The following RARB variants were observed in gnomAD, a reference collection of about 807,000 sequenced individuals.
RARB encodes retinoic acid receptor beta.
In RARB, 17 loss-of-function variants were observed where a neutral mutation model predicts 51.9. That is an observed-to-expected ratio of 0.33 (90% CI 0.22 to 0.49). The LOEUF is 0.49. Ranked by LOEUF, RARB falls within the 20% of genes least tolerant of loss-of-function variation. RARB has a pLI of 0.99. For missense variants in RARB, 369 were observed against 550.8 expected (o/e 0.67, Z 3.30); for synonymous variants, 215 against 195.4 (o/e 1.10, Z -0.84).
intron 3 of RARB, among the ~76,000 whole-genome samples, chr3:25,523,900 T>C (rs768370015): frequency 4.6e-5 from 7 of 152,284 alleles, no homozygotes; most frequent in Non-Finnish European, 1.0e-4. Flanking sequence ...TTTTTAGCGA[T>C]AGTAGAAGGG....
At chr3:25,007,021 A>C (rs1407690750) in intron 2 of RARB, among the ~76,000 whole-genome samples, 1 of 152,172 alleles carries the variant, frequency 6.6e-6, no homozygotes, top group African/African-American at 2.4e-5. Context: ...CTTTTGAATA[A>C]GAATGAGTTG....
At chr3:25,271,187 T>C (rs1703249482) in intron 5 of RARB, among the ~76,000 whole-genome samples, 1 of 152,190 alleles carries the variant, frequency 6.6e-6, no homozygotes, top group Admixed American at 6.5e-5. Context: ...TTTTCTCCCC[T>C]CAATTTTTAT....
intron 1 of RARB, 77 bp downstream of exon 1, chr3:25,428,965 T>C: frequency 6.9e-7 from 1 of 1,452,372 alleles, no homozygotes; most frequent in South Asian, 1.4e-5. Context: ...ACGTTGGAAA[T>C]AAACTGCATT....
chr3:25,274,911 G>T (rs370179194), intron 5 of RARB, among the ~76,000 whole-genome samples: 48 of 152,142 alleles, frequency 3.2e-4, no homozygotes, highest in African/African-American at 1.1e-3. Context: ...ACAGCAATGG[G>T]GTAGGGAAAT....
chr3:25,573,537 C>T (rs969278354), intron 4 of RARB, among the ~76,000 whole-genome samples: 2 of 152,220 alleles, frequency 1.3e-5, no homozygotes, highest in East Asian at 1.9e-4. Context: ...CGCAGCTGAC[C>T]GTGCTCTTCA....
intron 3 of RARB, among the ~76,000 whole-genome samples, chr3:25,542,381 A>C (rs149814200): frequency 1.3e-3 from 192 of 152,342 alleles, no homozygotes; most frequent in African/African-American, 4.4e-3. Context: ...TGGATTTTTC[A>C]TCCTATCACA....
At chr3:25,201,463 C>G (rs970144837) in intron 5 of RARB, among the ~76,000 whole-genome samples, 5 of 152,160 alleles carry the variant, frequency 3.3e-5, no homozygotes, top group Non-Finnish European at 5.9e-5. Flanking sequence ...ACTTCCAACA[C>G]TGTGTTGCAT....
At chr3:25,108,679 A>G (rs1026254435) in intron 3 of RARB, among the ~76,000 whole-genome samples, 5 of 152,194 alleles carry the variant, frequency 3.3e-5, no homozygotes, top group African/African-American at 1.2e-4. Flanking sequence ...GTGTTTTTGT[A>G]TAGAGAGTTT....
At chr3:25,284,944 A>G (rs1703613339) in intron 5 of RARB, among the ~76,000 whole-genome samples, 1 of 152,230 alleles carries the variant, frequency 6.6e-6, no homozygotes, top group Non-Finnish European at 1.5e-5. Context: ...ATGACTCTGC[A>G]GTTACCAAAT....
chr3:25,002,240 C>T (rs1485934270), intron 2 of RARB, among the ~76,000 whole-genome samples: 2 of 152,192 alleles, frequency 1.3e-5, no homozygotes, highest in Non-Finnish European at 2.9e-5. Flanking sequence ...CAGGGCAGAG[C>T]ACACTTCCCA....
intron 3 of RARB, among the ~76,000 whole-genome samples, chr3:25,070,050 T>G (rs945882108): frequency 1.3e-5 from 2 of 152,196 alleles, no homozygotes; most frequent in African/African-American, 4.8e-5. Context: ...CTGAAACCAG[T>G]GGTGGAGAAT....
chr3:25,155,531 A>G (rs947487841), intron 4 of RARB, among the ~76,000 whole-genome samples: 2 of 152,242 alleles, frequency 1.3e-5, no homozygotes, highest in East Asian at 1.9e-4. Flanking sequence ...TGACTGCTCC[A>G]GTGGCAATAT....
At chr3:24,987,919 A>G (rs1696829457) in intron 2 of RARB, among the ~76,000 whole-genome samples, 1 of 152,024 alleles carries the variant, frequency 6.6e-6, no homozygotes, top group African/African-American at 2.4e-5. Context: ...GAAAACATAA[A>G]TCTTGGCTTC....
intron 3 of RARB, among the ~76,000 whole-genome samples, chr3:25,090,130 C>A (rs898295939): frequency 6.6e-6 from 1 of 152,130 alleles, no homozygotes; most frequent in Non-Finnish European, 1.5e-5. Flanking sequence ...AATTAAAAAT[C>A]CATTTCCTTG....
chr3:25,551,636 G>A (rs1626875), intron 3 of RARB, among the ~76,000 whole-genome samples: 36,695 of 152,104 alleles, frequency 0.24, 4,919 homozygotes, highest in African/African-American at 0.35. Context: ...TAGGAGAAAG[G>A]TCTGGGCTAG....
At chr3:25,586,118 A>C (rs1701375615) in intron 5 of RARB, among the ~76,000 whole-genome samples, 1 of 152,012 alleles carries the variant, frequency 6.6e-6, no homozygotes, top group African/African-American at 2.4e-5. Flanking sequence ...CTCGAGCCTC[A>C]GTCAAGCTCT....
rs1559337116 is a variant in RARB, at chr3:25,264,122, T to TTA, written c.178+89547_178+89548insTA. On this transcript the variant is annotated intron_variant, in intron 5 of 11. Coordinates refer to the RARB transcript ENST00000383772. Reference sequence around the variant, plus strand: ...TTGGGGCATTGTTGATTTTTTTTTTTAAAAAAAGGTTGATTCTGTTTTATC... The same window carrying TTA: ...TTGGGGCATTGTTGATTTTTTTTTTTTAAAAAAAAGGTTGATTCTGTTTTATC... Among the ~76,000 whole-genome samples the TTA allele has an allele frequency of 1.9e-4, 28 of 151,138 alleles. 1 individual carries two copies. The East Asian group carries it at 3.5e-3, about 19-fold the overall frequency.
chr3:25,578,803 C>A (rs1200192119), intron 4 of RARB, among the ~76,000 whole-genome samples: 1 of 152,218 alleles, frequency 6.6e-6, no homozygotes, highest in African/African-American at 2.4e-5. Flanking sequence ...TCCATGCAGA[C>A]GTTCAAAGCA....
intron 5 of RARB, among the ~76,000 whole-genome samples, chr3:25,583,348 G>T (rs904858154): frequency 6.6e-6 from 1 of 152,182 alleles, no homozygotes. Context: ...CAGGCGGATG[G>T]ACAGACAGAC....
Sources: allele counts gnomAD v4.1 joint callset (sites outside exome capture counted in the v4.1 genomes callset), GRCh38; gene constraint gnomAD v4.1.1; transcripts MANE v1.5; gene names NCBI Gene and HGNC (gene_info 2026-07-23, HGNC 2026-07-21).